Variants in RTTN observed in about 807,000 individuals in gnomAD.
The protein encoded by RTTN is rotatin.
RTTN carries 182 observed loss-of-function variants against 269.2 expected under a neutral mutation model. The ratio of observed to expected loss-of-function variants is 0.68; its 90% confidence interval spans 0.60 to 0.76. The LOEUF is 0.76. Among genes scored for constraint, RTTN ranks in the 30% least tolerant of loss-of-function variants. RTTN has a pLI of 0.00. For missense variants in RTTN, 2,545 were observed against 2,608.6 expected, an observed-to-expected ratio of 0.98 and a Z score of 0.53; for synonymous variants, 1,006 against 963.5, an observed-to-expected ratio of 1.04 and a Z score of -0.82.
At chr18:70,167,498 G>C (rs1180952538) in intron 12 of RTTN, among the ~76,000 whole-genome samples, 1 of 152,174 alleles carries the variant, frequency 6.6e-6, no homozygotes, top group East Asian at 1.9e-4. Flanking sequence ...GAGGCGGGCA[G>C]ATCACTTGAG....
intron 35 of RTTN, chr18:70,061,300 G>A (rs1304267488): frequency 2.2e-6 from 1 of 455,244 alleles, no homozygotes; most frequent in Non-Finnish European, 4.4e-6. Context: ...TAACCTTTGA[G>A]CATTCCCTTA....
chr18:70,075,613 T>G, intron 32 of RTTN, 72 bp from the exon 33 acceptor site: 1 of 1,258,276 alleles, frequency 7.9e-7, no homozygotes, highest in Non-Finnish European at 1.1e-6. Flanking sequence ...ATCCATTGTC[T>G]CCTCTCGAGG....
chr18:70,043,586 A>C (rs574118162), intron 40 of RTTN, among the ~76,000 whole-genome samples: 1 of 152,324 alleles, frequency 6.6e-6, no homozygotes, highest in African/African-American at 2.4e-5. Context: ...AATGAGGTAT[A>C]AGTGGTCACC....
intron 46 of RTTN, among the ~76,000 whole-genome samples, chr18:70,016,637 G>A (rs2056546337): frequency 6.6e-6 from 1 of 152,060 alleles, no homozygotes; most frequent in African/African-American, 2.4e-5. Context: ...GATTCTTTTT[G>A]CTTCAATTTT....
chr18:70,158,456 A>G (rs570664417), intron 14 of RTTN, among the ~76,000 whole-genome samples: 31 of 152,322 alleles, frequency 2.0e-4, no homozygotes, highest in African/African-American at 6.7e-4. Flanking sequence ...GTGCTAAAAA[A>G]GGAAGCAAAA....
At chr18:70,152,234 A>G (rs1316701096) in intron 14 of RTTN, among the ~76,000 whole-genome samples, 1 of 151,926 alleles carries the variant, frequency 6.6e-6, no homozygotes, top group Non-Finnish European at 1.5e-5. Context: ...TGAAAATTTT[A>G]TACCTAATCT....
intron 32 of RTTN, among the ~76,000 whole-genome samples, chr18:70,084,361 T>C (rs1197842448): frequency 6.6e-6 from 1 of 152,218 alleles, no homozygotes; most frequent in Non-Finnish European, 1.5e-5. Flanking sequence ...AAACATTTTG[T>C]TGAATAAGAT....
intron 32 of RTTN, among the ~76,000 whole-genome samples, chr18:70,083,209 C>T (rs1410596775): frequency 1.3e-5 from 2 of 152,160 alleles, no homozygotes; most frequent in Non-Finnish European, 2.9e-5. Context: ...GATACTTCAT[C>T]TGCTCCTCCT....
At chr18:70,028,604 G>A (rs887673032) in intron 43 of RTTN, 120 bp downstream of exon 43, 1 of 578,086 alleles carries the variant, frequency 1.7e-6, no homozygotes, top group Non-Finnish European at 3.0e-6. Context: ...CCAATCAACT[G>A]TGTGTCTAAA....
intron 28 of RTTN, among the ~76,000 whole-genome samples, chr18:70,101,324 A>T (rs1237062915): frequency 6.6e-6 from 1 of 152,154 alleles, no homozygotes; most frequent in Non-Finnish European, 1.5e-5. Flanking sequence ...TGTGTCCAGA[A>T]ATTTATCCAT....
chr18:70,183,595 T>C (rs1251053038), intron 10 of RTTN, among the ~76,000 whole-genome samples: 1 of 152,114 alleles, frequency 6.6e-6, no homozygotes, highest in Non-Finnish European at 1.5e-5. Flanking sequence ...ACCTTAACAC[T>C]TCCTCAAGGT....
intron 28 of RTTN, among the ~76,000 whole-genome samples, chr18:70,101,049 T>A (rs2059150271): frequency 6.6e-6 from 1 of 152,140 alleles, no homozygotes; most frequent in Non-Finnish European, 1.5e-5. Context: ...TTTTTTGTTG[T>A]CTCTCTGCCA....
chr18:70,128,315 T>C (rs752462502), intron 24 of RTTN, 43 bp downstream of exon 24: 5 of 1,505,440 alleles, frequency 3.3e-6, no homozygotes, highest in Non-Finnish European at 4.5e-6. Context: ...TTAATTACAA[T>C]TAATTAATTG....
intron 21 of RTTN, 91 bp downstream of exon 21, chr18:70,139,508 T>C: frequency 1.3e-6 from 1 of 776,924 alleles, no homozygotes; most frequent in Admixed American, 2.2e-5. Context: ...GTTCTAATAG[T>C]AAAATAAAAA....
intron 40 of RTTN, among the ~76,000 whole-genome samples, chr18:70,042,116 T>C: frequency 6.7e-6 from 1 of 148,438 alleles, no homozygotes; most frequent in Non-Finnish European, 1.5e-5. Context: ...AGAGATTACA[T>C]AGCGAAAAAA....
chr18:70,016,495 A>T (rs938350436), intron 46 of RTTN, among the ~76,000 whole-genome samples: 16 of 152,272 alleles, frequency 1.1e-4, no homozygotes, highest in Admixed American at 3.3e-4. Context: ...GGCATTCAAG[A>T]CCAGGTGTGT....
intron 36 of RTTN, 49 bp from the exon 37 acceptor site, chr18:70,057,881 T>TA (rs1464162655): frequency 1.5e-6 from 2 of 1,296,024 alleles, no homozygotes; most frequent in African/African-American, 3.0e-5. Flanking sequence ...GTATACTTTT[T>TA]ATTAAAGATT....
At position 70,020,749 on chromosome 18, in the gene RTTN, T is replaced by C; in HGVS notation, c.6019A>G (p.Ser2007Gly). Residue 2007 changes from serine (S) to glycine (G), a missense_variant, in exon 45 of 49, where the codon AGC becomes GGC. By Grantham distance (56) the Ser-to-Gly change is moderately conservative. Coordinates refer to ENST00000640769, the MANE Select transcript of RTTN (RefSeq NM_173630.4). The stretch of plus-strand genomic sequence containing the variant: ...AGGATACACAGCATCAGAGAGTTGC[T>C]CACGGCTCCTCTATGTGTAGCTTGA... ...PVQATHRGAV[S>G]NSLMLCILKL... is the part of the protein sequence containing the mutation. The C allele has an allele frequency of 6.2e-7, 1 of 1,614,074 alleles. No homozygotes were observed. Among genetic ancestry groups the C allele is most frequent in the Non-Finnish European group, 8.5e-7 (1 of 1,179,932 alleles).
chr18:70,065,659 G>A (rs1165082941), intron 35 of RTTN, among the ~76,000 whole-genome samples, 170 bp downstream of exon 35: 1 of 152,130 alleles, frequency 6.6e-6, no homozygotes, highest in Non-Finnish European at 1.5e-5. Context: ...TATTAGTTAA[G>A]AGCATTTATT....
Sources: allele counts gnomAD v4.1 joint callset (sites outside exome capture counted in the v4.1 genomes callset), GRCh38; gene constraint gnomAD v4.1.1; transcripts MANE v1.5; gene names NCBI Gene and HGNC (gene_info 2026-07-23, HGNC 2026-07-21).